NIBAN2: variants seen among roughly 807,000 people sequenced by gnomAD.
The protein encoded by NIBAN2 is protein Niban 2.
A neutral mutation model predicts 81.8 loss-of-function variants in NIBAN2; 36 were observed. The observed-to-expected ratio is 0.44, with a 90% CI of 0.34 to 0.58. NIBAN2 has a LOEUF of 0.58. NIBAN2 is among the 20% of genes least tolerant of loss of function. NIBAN2 has a pLI of 0.02. For missense variants in NIBAN2, 897 were observed against 1,014.1 expected, an observed-to-expected ratio of 0.88 and a Z score of 1.57; for synonymous variants, 445 against 441.6, an observed-to-expected ratio of 1.01 and a Z score of -0.10.
At position 127,507,719 on chromosome 9, in the gene NIBAN2, A is replaced by T. The variant is rs920203419; in HGVS notation, c.1654+148T>A. 4 of 759,006 alleles carry T rather than the reference A, an allele frequency of 5.3e-6. No homozygotes were observed. The highest frequency in any genetic ancestry group is 9.0e-6 in the Non-Finnish European group (4 of 446,916). 47.0% of individuals were successfully genotyped at this position (759,006 alleles called of 1,614,324 possible). A position where few individuals can be genotyped will look rare whatever the true frequency, so the allele number is the denominator to read the frequency against. Reference sequence around the variant, plus strand: ...CAAGGCTAAGGCTGCTCCGGAGGCCACACAGCGAAGAGTGGGCTTCACCCA... The same window carrying T: ...CAAGGCTAAGGCTGCTCCGGAGGCCTCACAGCGAAGAGTGGGCTTCACCCA... On this transcript the variant is annotated intron_variant, in intron 13 of 13. Coordinates refer to ENST00000373312, the MANE Select transcript of NIBAN2 (RefSeq NM_022833.4). The surrounding 1 kb of genome is among the most constrained non-coding windows in gnomAD (Gnocchi z 6.8).
intron 1 of NIBAN2, among the ~76,000 whole-genome samples, chr9:127,558,922 C>A (rs892931970): frequency 6.6e-6 from 1 of 152,246 alleles, no homozygotes; most frequent in East Asian, 1.9e-4. Context: ...CTTCACCCAG[C>A]CCAAAGGCAG....
At chr9:127,524,753 G>T in intron 4 of NIBAN2, 1 of 285,176 alleles carries the variant, frequency 3.5e-6, no homozygotes, top group Non-Finnish European at 6.7e-6. Context: ...TGTTGTTCCC[G>T]TAAGGCTTCT....
chr9:127,514,845 T>A (rs1295797510), intron 8 of NIBAN2, among the ~76,000 whole-genome samples: 1 of 152,140 alleles, frequency 6.6e-6, no homozygotes, highest in Non-Finnish European at 1.5e-5. Context: ...TGTCAACCAA[T>A]ACTCAGGATC....
chr9:127,532,641 G>A (rs963742382), intron 1 of NIBAN2, among the ~76,000 whole-genome samples: 15 of 151,894 alleles, frequency 9.9e-5, no homozygotes, highest in African/African-American at 3.1e-4. Flanking sequence ...GGACCTATCC[G>A]GATAGGTGCC....
chr9:127,530,197 C>T (rs1837152092), intron 2 of NIBAN2, among the ~76,000 whole-genome samples: 1 of 152,252 alleles, frequency 6.6e-6, no homozygotes, highest in Non-Finnish European at 1.5e-5. Context: ...CCCTCTGACG[C>T]TCTGCTGCCA....
upstream of NIBAN2, chr9:127,579,019 C>T (rs1322428320): frequency 4.5e-6 from 6 of 1,329,920 alleles, no homozygotes; most frequent in Non-Finnish European, 6.4e-6. Flanking sequence ...GAGCTGTTTG[C>T]TGCTGAGCCA....
chr9:127,507,864 C>T lies in NIBAN2; in HGVS notation c.1654+3G>A, dbSNP rs1273276804. 6.2e-7 allele frequency: 1 copy of T among 1,613,728 alleles called. No homozygotes were observed. Among genetic ancestry groups the T allele is most frequent in the East Asian group, 2.2e-5 (1 of 44,886 alleles). Reference sequence around the variant, plus strand: ...ACAGTCCCCACCCCGGGACGGCACCCACCCTGCAGGATGTCCTTCATGACG... The same window carrying T: ...ACAGTCCCCACCCCGGGACGGCACCTACCCTGCAGGATGTCCTTCATGACG... On this transcript the variant is annotated splice_donor_region_variant and intron_variant, in intron 13 of 13. Coordinates refer to ENST00000373312, the MANE Select transcript of NIBAN2 (RefSeq NM_022833.4). This position sits in a 1 kb window ranked among gnomAD's most constrained non-coding sequence, Gnocchi z 6.8.
chr9:127,524,600 C>T (rs1190460246), intron 4 of NIBAN2, among the ~76,000 whole-genome samples: 4 of 152,194 alleles, frequency 2.6e-5, no homozygotes, highest in Non-Finnish European at 5.9e-5. Context: ...TCCAGGAATG[C>T]CGCTCGAATC....
rs903330396 is a variant in NIBAN2 at position 127,517,551 on chromosome 9, G to A, written c.705+275C>T. Among the ~76,000 whole-genome samples, 5 of 152,100 alleles carry A rather than the reference G, an allele frequency of 3.3e-5. No homozygotes were observed. Among genetic ancestry groups the A allele is most frequent in the Non-Finnish European group, 5.9e-5 (4 of 68,020 alleles). On this transcript the variant is annotated intron_variant, in intron 6 of 13. Transcript: ENST00000373312. This position sits in a 1 kb window ranked among gnomAD's most constrained non-coding sequence, Gnocchi z 4.0. ...CAAATGTCTGTTTCTCCTGCTATAC[G>A]GAGAGCTCCCTGAGGGCCAGGAATT...
chr9:127,533,620 C>G (rs971924408), intron 1 of NIBAN2, among the ~76,000 whole-genome samples: 1 of 152,182 alleles, frequency 6.6e-6, no homozygotes, highest in Non-Finnish European at 1.5e-5. Flanking sequence ...GGCGACAGAG[C>G]GAGACCCTGT....
intron 8 of NIBAN2, among the ~76,000 whole-genome samples, chr9:127,513,783 T>A (rs1283535360): frequency 6.6e-6 from 1 of 152,218 alleles, no homozygotes; most frequent in Non-Finnish European, 1.5e-5. Flanking sequence ...CTTTTATTCC[T>A]TCGCTTTCTT....
intron 5 of NIBAN2, among the ~76,000 whole-genome samples, chr9:127,520,743 G>A (rs972647966): frequency 6.6e-6 from 1 of 152,024 alleles, no homozygotes. Context: ...AATTAGCCAG[G>A]TGTGGTGGCA....
At chr9:127,537,870 C>T (rs560627784) in intron 1 of NIBAN2, among the ~76,000 whole-genome samples, 1 of 152,330 alleles carries the variant, frequency 6.6e-6, no homozygotes, top group East Asian at 1.9e-4. Flanking sequence ...TCACAAAAGG[C>T]GCCTGCCTGT....
intron 1 of NIBAN2, among the ~76,000 whole-genome samples, chr9:127,540,464 C>T (rs1424562141): frequency 1.3e-5 from 2 of 152,218 alleles, no homozygotes; most frequent in East Asian, 3.8e-4. Context: ...CTTGTCATGA[C>T]GCTCCCCAAA....
At chr9:127,533,361 G>C (rs560905030) in intron 1 of NIBAN2, among the ~76,000 whole-genome samples, 4 of 152,328 alleles carry the variant, frequency 2.6e-5, no homozygotes, top group Admixed American at 2.6e-4. Flanking sequence ...GGAGGCTGAG[G>C]CAGGAGAATG....
chr9:127,556,918 T>C (rs1243165128), intron 1 of NIBAN2, among the ~76,000 whole-genome samples: 1 of 152,110 alleles, frequency 6.6e-6, no homozygotes, highest in African/African-American at 2.4e-5. Context: ...ATACAAAATA[T>C]AAAAATAAAT....
intron 5 of NIBAN2, among the ~76,000 whole-genome samples, chr9:127,520,604 A>G (rs1836919398): frequency 6.6e-6 from 1 of 152,126 alleles, no homozygotes; most frequent in Non-Finnish European, 1.5e-5. Context: ...ATCCAATACA[A>G]CTAGTGCCCT....
At chr9:127,524,116 G>GT (rs1837015731) in intron 4 of NIBAN2, among the ~76,000 whole-genome samples, 2 of 152,198 alleles carry the variant, frequency 1.3e-5, no homozygotes, top group Non-Finnish European at 2.9e-5. Context: ...CTTGGGTTAG[G>GT]TTTTAAACTC....
intron 4 of NIBAN2, among the ~76,000 whole-genome samples, chr9:127,524,514 AG>A (rs948410372): frequency 6.6e-6 from 1 of 152,024 alleles, no homozygotes; most frequent in Non-Finnish European, 1.5e-5. Context: ...GATTCAGGGG[AG>A]GGGGGGTGAC....
Sources: allele counts gnomAD v4.1 joint callset (sites outside exome capture counted in the v4.1 genomes callset), GRCh38; gene constraint gnomAD v4.1.1; non-coding constraint Gnocchi (gnomAD v3.1); transcripts MANE v1.5; gene names NCBI Gene and HGNC (gene_info 2026-07-23, HGNC 2026-07-21).